RPS6KA2: variants seen among roughly 807,000 people sequenced by gnomAD.
The protein encoded by RPS6KA2 is ribosomal protein S6 kinase A2.
Under a neutral mutation model 91.8 loss-of-function variants are expected in RPS6KA2, and 42 were observed. The ratio of observed to expected loss-of-function variants is 0.46; its 90% CI spans 0.36 to 0.59. RPS6KA2 has a LOEUF of 0.59. RPS6KA2 is among the 20% of genes least tolerant of loss of function. The probability of loss-of-function intolerance (pLI) is 0.00; values close to 1 mark genes in which losing one functional copy is unlikely to be tolerated. For missense variants in RPS6KA2, 798 were observed against 978.5 expected (o/e 0.82, Z 2.46); for synonymous variants, 414 against 393.6 (o/e 1.05, Z -0.61).
chr6:166,862,478 G>C (rs1389702823), exon 1 of RPS6KA2: 2 of 882,708 alleles, frequency 2.3e-6, no homozygotes, highest in Non-Finnish European at 3.1e-6. Context: ...GAGGAAAGGA[G>C]GGGACGGCGC....
chr6:166,543,432 C>T (rs949168189), intron 1 of RPS6KA2, among the ~76,000 whole-genome samples: 1 of 152,238 alleles, frequency 6.6e-6, no homozygotes, highest in Non-Finnish European at 1.5e-5. Flanking sequence ...TTCATTATCT[C>T]ACCAAAGGTG....
chr6:166,721,222 G>T (rs1241814043), intron 2 of RPS6KA2, among the ~76,000 whole-genome samples: 4 of 152,258 alleles, frequency 2.6e-5, no homozygotes, highest in Non-Finnish European at 2.9e-5. Context: ...AAGGTGGAAA[G>T]GCGGGGGACA....
chr6:166,599,988 G>T lies in RPS6KA2; in HGVS notation c.99+26933C>A, dbSNP rs1785673052. Reference sequence around the variant, plus strand: ...CCTCCCCTCCTCCGTATATGGGTGAGGGTGGTAAGTTTGTTTGTTTGTTTG... The same window carrying T: ...CCTCCCCTCCTCCGTATATGGGTGATGGTGGTAAGTTTGTTTGTTTGTTTG... On this transcript the variant is annotated intron_variant, in intron 1 of 20. Transcript: ENST00000265678. Among the ~76,000 whole-genome samples the T allele has an allele frequency of 2.0e-5, 3 of 152,048 alleles. No homozygotes were observed. The South Asian group carries it at 6.2e-4, about 32-fold the overall frequency.
chr6:166,829,020 T>C (rs1039550760), intron 2 of RPS6KA2, among the ~76,000 whole-genome samples: 2 of 152,042 alleles, frequency 1.3e-5, no homozygotes, highest in Admixed American at 1.3e-4. Flanking sequence ...AATTAAAAAA[T>C]AGCAAACGAC....
intron 2 of RPS6KA2, among the ~76,000 whole-genome samples, chr6:166,814,118 C>T (rs942440044): frequency 2.6e-5 from 4 of 152,048 alleles, no homozygotes; most frequent in Admixed American, 2.6e-4. Flanking sequence ...TGGTTTTATG[C>T]CTAAATTTTT....
At chr6:166,859,247 T>A (rs1490469087) in intron 1 of RPS6KA2, among the ~76,000 whole-genome samples, 1 of 152,178 alleles carries the variant, frequency 6.6e-6, no homozygotes, top group Admixed American at 6.5e-5. Flanking sequence ...TATTATGACA[T>A]CCCAGAGAGA....
chr6:166,630,423 A>G (rs1380254259), upstream of RPS6KA2, among the ~76,000 whole-genome samples: 2 of 152,272 alleles, frequency 1.3e-5, no homozygotes, highest in Non-Finnish European at 1.5e-5. Context: ...TTGCACTTCA[A>G]GTGAAACTAT....
chr6:166,764,604 G>C (rs547530868), intron 2 of RPS6KA2, among the ~76,000 whole-genome samples: 2 of 152,148 alleles, frequency 1.3e-5, no homozygotes, highest in Non-Finnish European at 2.9e-5. Flanking sequence ...GGGTTGGGAA[G>C]GGGTCAGGGT....
At chr6:166,651,401 T>C (rs955535328) in intron 2 of RPS6KA2, among the ~76,000 whole-genome samples, 3 of 152,232 alleles carry the variant, frequency 2.0e-5, no homozygotes, top group Non-Finnish European at 4.4e-5. Flanking sequence ...TTACAAGCAA[T>C]AAAGTCAGAG....
chr6:166,828,534 T>C (rs1437145784), intron 2 of RPS6KA2, among the ~76,000 whole-genome samples: 1 of 152,234 alleles, frequency 6.6e-6, no homozygotes, highest in Non-Finnish European at 1.5e-5. Context: ...CACATAAAAA[T>C]CTAACAGAGC....
intron 3 of RPS6KA2, among the ~76,000 whole-genome samples, chr6:166,523,091 T>G (rs994229688): frequency 6.6e-6 from 1 of 152,266 alleles, no homozygotes; most frequent in African/African-American, 2.4e-5. Context: ...TTTGAATATC[T>G]GTAATTCAAG....
intron 2 of RPS6KA2, among the ~76,000 whole-genome samples, chr6:166,761,664 A>C (rs1778173934): frequency 6.6e-6 from 1 of 152,246 alleles, no homozygotes; most frequent in African/African-American, 2.4e-5. Context: ...CTTCCTCTGA[A>C]AAACCTAGTA....
intron 19 of RPS6KA2, among the ~76,000 whole-genome samples, chr6:166,414,417 T>C (rs897592343): frequency 3.9e-5 from 6 of 152,232 alleles, no homozygotes; most frequent in African/African-American, 1.4e-4. Flanking sequence ...AGTGGGTTCA[T>C]GTGCAATAAT....
At chr6:166,778,497 G>A (rs940365726) in intron 2 of RPS6KA2, among the ~76,000 whole-genome samples, 3 of 152,202 alleles carry the variant, frequency 2.0e-5, no homozygotes, top group African/African-American at 7.2e-5. Context: ...TGGGCATGGT[G>A]GCTCACACCT....
At chr6:166,667,402 T>A (rs1788346326) in intron 2 of RPS6KA2, among the ~76,000 whole-genome samples, 1 of 152,236 alleles carries the variant, frequency 6.6e-6, no homozygotes, top group Non-Finnish European at 1.5e-5. Context: ...AAAATATACC[T>A]AATGAAAATT....
Position 166,495,896 on chromosome 6 carries a change from G to A in RPS6KA2, c.747+2612C>T, listed in dbSNP as rs1781768402. On this transcript the variant is annotated intron_variant, in intron 8 of 20. Coordinates refer to ENST00000265678, the MANE Select transcript of RPS6KA2 (RefSeq NM_021135.6). This position sits in a 1 kb window ranked among gnomAD's most constrained non-coding sequence, Gnocchi z 4.4. The stretch of plus-strand genomic sequence containing the variant: ...AGGGCTGATGGTGGAAGGGGACCGG[G>A]GGGAGTTTGCTGGAGCAAGGCGAGC... 2.0e-5 allele frequency among the ~76,000 whole-genome samples: 3 copies of A among 152,336 alleles called. No homozygotes were observed. Among genetic ancestry groups the A allele is most frequent in the South Asian group, 2.1e-4 (1 of 4,830 alleles).
intron 2 of RPS6KA2, among the ~76,000 whole-genome samples, chr6:166,637,079 CTGT>C (rs912486635): frequency 2.8e-4 from 42 of 152,198 alleles, no homozygotes; most frequent in African/African-American, 9.4e-4. Context: ...GGTGCCGCCT[CTGT>C]TGTTGTAGCC....
At chr6:166,538,559 C>G in intron 2 of RPS6KA2, 109 bp downstream of exon 2, 4 of 657,144 alleles carry the variant, frequency 6.1e-6, no homozygotes, top group South Asian at 1.8e-5. Flanking sequence ...TTCCCGTGAT[C>G]GCAGCCCTGC....
At chr6:166,799,776 T>C (rs1779316445) in intron 2 of RPS6KA2, among the ~76,000 whole-genome samples, 2 of 151,912 alleles carry the variant, frequency 1.3e-5, no homozygotes, top group South Asian at 4.1e-4. Flanking sequence ...TTTATTTTAA[T>C]AGTTTTGGGG....
Sources: gnomAD v4.1 joint callset for allele counts (sites outside exome capture counted in the v4.1 genomes callset) on GRCh38, gnomAD v4.1.1 for gene constraint, Gnocchi (gnomAD v3.1) non-coding constraint, MANE v1.5 for transcripts, NCBI Gene and HGNC (gene_info 2026-07-23, HGNC 2026-07-21) for gene names.